Variants in FMNL2 observed in about 807,000 individuals in gnomAD.
The protein encoded by FMNL2 is formin like 2, also known as formin-like protein 2.
In FMNL2, 51 loss-of-function variants were observed where a neutral mutation model predicts 130.2. The ratio of observed to expected loss-of-function variants is 0.39; its 90% confidence interval spans 0.31 to 0.49. The LOEUF (loss-of-function observed/expected upper bound fraction) is 0.49, where lower values mean the gene tolerates loss of function less well. Ranked by LOEUF, FMNL2 falls within the 20% of genes least tolerant of loss-of-function variation. The pLI is 0.85. For synonymous variants in FMNL2, 465 were observed against 467.1 expected (o/e 1.00, Z 0.06); for missense variants, 977 against 1,316.2 (o/e 0.74, Z 3.99).
At chr2:152,399,844 G>A (rs1208029674) in intron 1 of FMNL2, among the ~76,000 whole-genome samples, 1 of 152,192 alleles carries the variant, frequency 6.6e-6, no homozygotes, top group African/African-American at 2.4e-5. Context: ...TGAGTTCTAT[G>A]TGGCAGGTGG....
At chr2:152,478,753 G>A (rs1254002128) in intron 1 of FMNL2, among the ~76,000 whole-genome samples, 5 of 152,034 alleles carry the variant, frequency 3.3e-5, no homozygotes, top group African/African-American at 9.7e-5. Flanking sequence ...TTTCAGGAAG[G>A]TTCAGTGAGT....
At chr2:152,414,658 T>C (rs1359402215) in intron 1 of FMNL2, among the ~76,000 whole-genome samples, 1 of 152,180 alleles carries the variant, frequency 6.6e-6, no homozygotes, top group Non-Finnish European at 1.5e-5. Flanking sequence ...CCCTGGCATC[T>C]GGAGAGTTCG....
In FMNL2 at chr2:152,556,369, G is replaced by C. The variant is rs79634156; in HGVS notation, c.360-2371G>C. On this transcript the variant is annotated intron_variant, in intron 4 of 25. Coordinates refer to ENST00000288670, the MANE Select transcript of FMNL2 (RefSeq NM_052905.4). ...TTAACTGCATGAAATTAAATCAGGG[G>C]TAAAACATGTCACACTTTAGCTGAC... Among the ~76,000 whole-genome samples the C allele has an allele frequency of 1.5e-3, 230 of 152,228 alleles. 1 individual carries two copies. The highest frequency in any genetic ancestry group is 5.3e-3 in the African/African-American group (222 of 41,546).
At chr2:152,530,233 T>G (rs996287795) in intron 2 of FMNL2, among the ~76,000 whole-genome samples, 2 of 152,200 alleles carry the variant, frequency 1.3e-5, no homozygotes, top group African/African-American at 4.8e-5. Flanking sequence ...TTAAAATGAT[T>G]TATTAAGGCA....
intron 1 of FMNL2, among the ~76,000 whole-genome samples, chr2:152,383,273 CTTTTTTTTT>C (rs35206829): frequency 1.0e-5 from 1 of 97,600 alleles, no homozygotes; most frequent in African/African-American, 3.8e-5. Flanking sequence ...TCCGTTAATC[CTTTTTTTTT>C]TTTTTTTTTT....
rs756754521 is a variant in FMNL2 at position 152,648,741 on chromosome 2, A to ACAT, written c.*838_*840dup. On this transcript the variant is annotated 3_prime_UTR_variant, in exon 26 of 26. Transcript: ENST00000288670. Reference sequence around the variant, plus strand: ...GCTCTATCAACAAGCATTCAAGGTTACATCTGCTAGCAGAGTAGTGTTAGG... The same window carrying ACAT: ...GCTCTATCAACAAGCATTCAAGGTTACATCATCTGCTAGCAGAGTAGTGTTAGG... 1.0e-4 allele frequency: 16 copies of ACAT among 152,768 alleles called. No individual in the cohort carries two copies. Among genetic ancestry groups the ACAT allele is most frequent in the Middle Eastern group, 3.4e-3 (1 of 294 alleles). The allele number at this position is 152,768 out of a possible 1,614,324, so 9.5% of individuals were successfully genotyped here.
chr2:152,581,692 G>C (rs1000252546), intron 9 of FMNL2, among the ~76,000 whole-genome samples: 1 of 152,172 alleles, frequency 6.6e-6, no homozygotes, highest in Non-Finnish European at 1.5e-5. Flanking sequence ...TTTCCCACAG[G>C]GTAGTGGGCA....
At chr2:152,513,194 G>C (rs905502140) in intron 1 of FMNL2, among the ~76,000 whole-genome samples, 3 of 152,158 alleles carry the variant, frequency 2.0e-5, no homozygotes, top group Non-Finnish European at 4.4e-5. Flanking sequence ...TTTCATCGTT[G>C]TGTGAACACC....
intron 1 of FMNL2, among the ~76,000 whole-genome samples, chr2:152,417,830 A>T (rs909715000): frequency 6.6e-6 from 1 of 151,744 alleles, no homozygotes; most frequent in Admixed American, 6.6e-5. Context: ...CATTATTTTT[A>T]TTATTATTAT....
At chr2:152,403,236 A>C (rs74425557) in intron 1 of FMNL2, among the ~76,000 whole-genome samples, 27 of 149,902 alleles carry the variant, frequency 1.8e-4, no homozygotes, top group East Asian at 1.4e-3. Flanking sequence ...AAAAAAAAAA[A>C]CCCACAAAAC....
chr2:152,433,599 C>T (rs1687604397), intron 1 of FMNL2, among the ~76,000 whole-genome samples: 1 of 152,162 alleles, frequency 6.6e-6, no homozygotes, highest in Non-Finnish European at 1.5e-5. Flanking sequence ...TTGCATGCCC[C>T]TGGACACAGT....
At chr2:152,521,108 C>T (rs1289467751) in intron 1 of FMNL2, among the ~76,000 whole-genome samples, 2 of 152,186 alleles carry the variant, frequency 1.3e-5, no homozygotes, top group Admixed American at 1.3e-4. Flanking sequence ...GATCTGAATT[C>T]TTTCTGAGGC....
intron 17 of FMNL2, among the ~76,000 whole-genome samples, 180 bp downstream of exon 17, chr2:152,626,907 A>G (rs888051949): frequency 1.3e-5 from 2 of 152,250 alleles, no homozygotes; most frequent in African/African-American, 2.4e-5. Context: ...AAAGTTGAAT[A>G]TGATGCCAAC....
chr2:152,577,948 A>C (rs1343597037), intron 7 of FMNL2, among the ~76,000 whole-genome samples: 1 of 152,180 alleles, frequency 6.6e-6, no homozygotes, highest in African/African-American at 2.4e-5. Context: ...TTGTTACTTA[A>C]GATAATTTGC....
At chr2:152,427,790 C>T (rs1159289586) in intron 1 of FMNL2, among the ~76,000 whole-genome samples, 2 of 152,042 alleles carry the variant, frequency 1.3e-5, no homozygotes, top group Non-Finnish European at 2.9e-5. Flanking sequence ...CTTCCAGAAT[C>T]GTGTATGCAG....
At chr2:152,443,829 C>T (rs529309069) in intron 1 of FMNL2, among the ~76,000 whole-genome samples, 105 of 151,712 alleles carry the variant, frequency 6.9e-4, no homozygotes, top group African/African-American at 2.4e-3. Context: ...GGCAACAGAG[C>T]GAGAGACTCC....
chr2:152,492,063 TA>T lies in FMNL2; in HGVS notation c.118-29875del, dbSNP rs199841951. The stretch of plus-strand genomic sequence containing the variant: ...AAATAGTAAATTGCTTTTGTAAAAA[TA>T]AAAAGTACTGGCATGAACACAGCAT... On this transcript the variant is annotated intron_variant, in intron 1 of 25. Transcript: ENST00000288670. Among the ~76,000 whole-genome samples, 121 of 152,282 alleles carry T rather than the reference TA, an allele frequency of 7.9e-4. 2 individuals carry two copies. The East Asian group carries it at 0.021, about 27-fold the overall frequency.
Position 152,502,398 on chromosome 2 carries a change from G to A in FMNL2, c.118-19545G>A, listed in dbSNP as rs185714974. Among the ~76,000 whole-genome samples the A allele has an allele frequency of 1.4e-4, 22 of 152,266 alleles. No homozygotes were observed. In the East Asian group the frequency reaches 4.1e-3, roughly 28 times the overall value. ...GGTCTCCAAGATAGGAAAAAATACC[G>A]CCTTTGGGCCGGGCGTGGTGGCTCA... On this transcript the variant is annotated intron_variant, in intron 1 of 25. Coordinates refer to ENST00000288670, the MANE Select transcript of FMNL2 (RefSeq NM_052905.4).
chr2:152,600,767 A>C (rs1429208164), intron 9 of FMNL2, among the ~76,000 whole-genome samples: 1 of 151,840 alleles, frequency 6.6e-6, no homozygotes, highest in Non-Finnish European at 1.5e-5. Context: ...TTTTGCTTCA[A>C]TTCTCCTTTA....
Sources: gnomAD v4.1 joint callset for allele counts (sites outside exome capture counted in the v4.1 genomes callset) on GRCh38, gnomAD v4.1.1 for gene constraint, MANE v1.5 for transcripts, NCBI Gene and HGNC (gene_info 2026-07-23, HGNC 2026-07-21) for gene names.